Variants in CCP110 observed in about 807,000 individuals in gnomAD.
The protein encoded by CCP110 is centriolar coiled-coil protein 110.
CCP110 carries 43 observed loss-of-function variants against 105.5 expected under a neutral mutation model. That is an observed-to-expected ratio of 0.41 (90% CI 0.32 to 0.53). CCP110 has a LOEUF of 0.53. Among genes scored for constraint, CCP110 ranks in the 20% least tolerant of loss-of-function variants. The pLI, the probability that CCP110 is intolerant of heterozygous loss-of-function variation, is 0.32. For synonymous variants in CCP110, 353 were observed against 392.1 expected (o/e 0.90, Z 1.18); for missense variants, 1,016 against 1,189.1 (o/e 0.85, Z 2.14).
intron 12 of CCP110, 82 bp from the exon 13 acceptor site, chr16:19,547,870 GTCA>G (rs1266322551): frequency 1.5e-5 from 14 of 936,314 alleles, no homozygotes; most frequent in Non-Finnish European, 2.5e-5. Flanking sequence ...TTACCTTACA[GTCA>G]TCATCTTTCA....
Position 19,551,083 on chromosome 16 carries a change from T to G in CCP110, c.2987-113T>G, listed in dbSNP as rs953018948. ...GGATGATTCATATAAGGATTAAATA[T>G]GATAATGTATATTGCCTAGCTCAGT... On this transcript the variant is annotated intron_variant, in intron 14 of 14. Transcript: ENST00000381396. The G allele has an allele frequency of 4.2e-6, 3 of 710,106 alleles. No homozygotes were observed. The African/African-American group carries it at 5.3e-5, about 13-fold the overall frequency. The allele number at this position is 710,106 out of a possible 1,614,324, so 44.0% of individuals were successfully genotyped here.
At chr16:19,530,936 A>G (rs866381019) in intron 2 of CCP110, among the ~76,000 whole-genome samples, 2 of 152,174 alleles carry the variant, frequency 1.3e-5, no homozygotes, top group Non-Finnish European at 2.9e-5. Context: ...TCAAAAAAAA[A>G]AGGAATTCTT....
At chr16:19,546,496 TA>T in intron 12 of CCP110, 22 bp downstream of exon 12, 1 of 1,414,934 alleles carries the variant, frequency 7.1e-7, no homozygotes, top group Non-Finnish European at 9.9e-7. Context: ...CACTTAGTCT[TA>T]ATGAGAGGCT....
chr16:19,539,416 T>C (rs975815545), intron 4 of CCP110, among the ~76,000 whole-genome samples: 1 of 151,732 alleles, frequency 6.6e-6, no homozygotes, highest in Admixed American at 6.6e-5. Flanking sequence ...CCAGGCTAGA[T>C]TGCTGTGGTG....
chr16:19,533,412 G>A (rs1243383012), intron 3 of CCP110, among the ~76,000 whole-genome samples: 1 of 152,096 alleles, frequency 6.6e-6, no homozygotes, highest in Non-Finnish European at 1.5e-5. Context: ...TTTTCCAGAA[G>A]AGGTTTTGAG....
Position 19,548,692 on chromosome 16 carries a change from C to G in CCP110, c.2986+92C>G. 1.3e-6 allele frequency: 1 copy of G among 749,288 alleles called. No individual in the cohort carries two copies. Among genetic ancestry groups the G allele is most frequent in the South Asian group, 1.8e-5 (1 of 55,700 alleles). The allele number at this position is 749,288 out of a possible 1,614,324, so 46.4% of individuals were successfully genotyped here. On this transcript the variant is annotated intron_variant, in intron 14 of 14. Transcript: ENST00000381396. This position sits in a 1 kb window ranked among gnomAD's most constrained non-coding sequence, Gnocchi z 4.1. Reference sequence around the variant, plus strand: ...AGGCCATAGAAGTGGAATAGATTGTCTTTCCTTGCCACCATAATTTTGGCA... The same window carrying G: ...AGGCCATAGAAGTGGAATAGATTGTGTTTCCTTGCCACCATAATTTTGGCA...
At chr16:19,535,585 A>G (rs1490796017) in intron 3 of CCP110, among the ~76,000 whole-genome samples, 5 of 152,240 alleles carry the variant, frequency 3.3e-5, no homozygotes, top group Non-Finnish European at 7.4e-5. Flanking sequence ...ACATATGACT[A>G]GAAGAAATTT....
exon 4 of CCP110, chr16:19,536,749 A>T: frequency 6.2e-7 from 1 of 1,614,202 alleles, no homozygotes; most frequent in Non-Finnish European, 8.5e-7. Flanking sequence ...TTACAGGTTC[A>T]TATGCCAAAT....
chr16:19,534,442 T>C (rs1969978103), intron 3 of CCP110, among the ~76,000 whole-genome samples: 1 of 152,226 alleles, frequency 6.6e-6, no homozygotes, highest in South Asian at 2.1e-4. Context: ...GATAGATTTT[T>C]TTCTTGTTGT....
chr16:19,539,953 G>A (rs1207086801), intron 4 of CCP110, among the ~76,000 whole-genome samples: 1 of 151,290 alleles, frequency 6.6e-6, no homozygotes, highest in East Asian at 2.0e-4. Flanking sequence ...GCATGCGCTT[G>A]TATTTTTTCA....
intron 4 of CCP110, among the ~76,000 whole-genome samples, chr16:19,539,141 CTTAA>C (rs1313386610): frequency 1.3e-5 from 2 of 151,662 alleles, no homozygotes; most frequent in East Asian, 1.9e-4. Context: ...AATAAAGGTT[CTTAA>C]TTAATAAAAA....
In CCP110 at chr16:19,548,044, C is replaced by G; in HGVS notation, c.2900+30C>G. 7.0e-7 allele frequency: 1 copy of G among 1,428,298 alleles called. No individual in the cohort carries two copies. The allele number at this position is 1,428,298 out of a possible 1,614,324, so 88.5% of individuals were successfully genotyped here. A position where few individuals can be genotyped will look rare whatever the true frequency, so the allele number is the denominator to read the frequency against. On this transcript the variant is annotated intron_variant, in intron 13 of 14. Transcript: ENST00000381396. The surrounding 1 kb of genome is among the most constrained non-coding windows in gnomAD (Gnocchi z 4.1). ...GAATGCCACACACGGGTATTGAAAA[C>G]TACGGAAACCAAGATTAGATTTGAG...
intron 2 of CCP110, among the ~76,000 whole-genome samples, chr16:19,530,675 CCT>C (rs1969833821): frequency 6.7e-6 from 1 of 149,230 alleles, no homozygotes; most frequent in Non-Finnish European, 1.5e-5. Context: ...AGAGTGAGAC[CCT>C]CTCTCAAAAA....
chr16:19,535,963 T>C (rs780760120), exon 4 of CCP110: 1 of 1,592,916 alleles, frequency 6.3e-7, no homozygotes, highest in Non-Finnish European at 8.5e-7. Context: ...CTAATGCCAG[T>C]GATTTTGATC....
intron 12 of CCP110, 108 bp from the exon 13 acceptor site, chr16:19,547,847 G>A (rs973316428): frequency 4.2e-5 from 32 of 771,046 alleles, no homozygotes; most frequent in Non-Finnish European, 7.0e-5. Context: ...CCATATTATT[G>A]CATAGTTGAC....
At position 19,536,214 on chromosome 16, in the gene CCP110, T is replaced by C; in HGVS notation, c.545T>C (p.Val182Ala). 3 of 1,614,100 alleles carry C rather than the reference T, an allele frequency of 1.9e-6. No individual in the cohort carries two copies. The African/African-American group carries it at 4.0e-5, about 22-fold the overall frequency. ...TGTGATAGTTCCAATATTAGTCATGTAGAAAATGAAGCTTTTCCAAAGACC... is the reference window on the plus strand; with the variant it reads ...TGTGATAGTTCCAATATTAGTCATGCAGAAAATGAAGCTTTTCCAAAGACC... The change falls in exon 4 of 15, where the codon GTA (valine) becomes GCA (alanine). Residue 182 changes from valine (V) to alanine (A), a missense_variant. Val to Ala is a moderately conservative substitution (Grantham distance 64). Coordinates refer to ENST00000381396, the Ensembl canonical transcript of CCP110.
chr16:19,548,089 G>A lies in CCP110; in HGVS notation c.2900+75G>A. 2.0e-6 allele frequency: 2 copies of A among 1,006,972 alleles called. No individual in the cohort carries two copies. Among genetic ancestry groups the A allele is most frequent in the Non-Finnish European group, 3.1e-6 (2 of 635,536 alleles). 62.4% of individuals were successfully genotyped at this position (1,006,972 alleles called of 1,614,324 possible). ...TTTGAGAGGGAAAAATAAATCTAGT[G>A]TTCTTTATGTAAAGGATAATGGTTT... is the stretch of plus-strand genomic sequence containing the variant. On this transcript the variant is annotated intron_variant, in intron 13 of 14. Transcript: ENST00000381396. The surrounding 1 kb of genome is among the most constrained non-coding windows in gnomAD (Gnocchi z 4.1).
At chr16:19,536,036 T>A (rs775640437) in exon 4 of CCP110, 38 of 1,613,870 alleles carry the variant, frequency 2.4e-5, no homozygotes, top group Non-Finnish European at 3.2e-5. Flanking sequence ...TCCTGCTACA[T>A]TTCCAAATAG....
At chr16:19,551,893 C>T (rs1474293652) in exon 15 of CCP110, 1 of 152,084 alleles carries the variant, frequency 6.6e-6, no homozygotes, top group African/African-American at 2.4e-5. Flanking sequence ...ATGTATGTTA[C>T]CCCAGTACTG....
Sources: allele counts gnomAD v4.1 joint callset (sites outside exome capture counted in the v4.1 genomes callset), GRCh38; gene constraint gnomAD v4.1.1; non-coding constraint Gnocchi (gnomAD v3.1); transcripts MANE v1.5; gene names NCBI Gene and HGNC (gene_info 2026-07-23, HGNC 2026-07-21).